CFAP54: variants seen among roughly 807,000 people sequenced by gnomAD.
The protein encoded by CFAP54 is cilia- and flagella-associated protein 54.
Under a neutral mutation model 370.4 loss-of-function variants are expected in CFAP54, and 290 were observed. That is an observed-to-expected ratio of 0.78 (90% CI 0.71 to 0.86). The LOEUF is 0.86. Ranked by LOEUF, CFAP54 falls within the 40% of genes least tolerant of loss-of-function variation. CFAP54 has a pLI of 0.00. For missense variants in CFAP54, 3,399 were observed against 3,528.7 expected, an observed-to-expected ratio of 0.96 and a Z score of 0.93; for synonymous variants, 1,206 against 1,236.5, an observed-to-expected ratio of 0.98 and a Z score of 0.52.
chr12:96,562,580 C>T (rs1016903967), intron 17 of CFAP54, among the ~76,000 whole-genome samples: 7 of 151,872 alleles, frequency 4.6e-5, no homozygotes, highest in Non-Finnish European at 7.4e-5. Flanking sequence ...GCATGTGCCA[C>T]CACACCTGGC....
intron 62 of CFAP54, among the ~76,000 whole-genome samples, chr12:96,789,685 G>A (rs955927735): frequency 4.6e-5 from 7 of 152,174 alleles, no homozygotes; most frequent in African/African-American, 1.7e-4. Flanking sequence ...GCTTGAATAC[G>A]TTGTAAATAC....
chr12:96,728,693 C>T (rs889517282), intron 50 of CFAP54, among the ~76,000 whole-genome samples: 7 of 152,322 alleles, frequency 4.6e-5, no homozygotes, highest in African/African-American at 1.7e-4. Context: ...AGTCATTCTC[C>T]GTCCAGCTTT....
intron 66 of CFAP54, among the ~76,000 whole-genome samples, chr12:96,838,599 A>G (rs1959193932): frequency 6.6e-6 from 1 of 152,124 alleles, no homozygotes; most frequent in Non-Finnish European, 1.5e-5. Context: ...GTGACATCTC[A>G]TGAGAACTCA....
chr12:96,757,206 A>C (rs908348074), intron 57 of CFAP54, among the ~76,000 whole-genome samples: 9 of 152,216 alleles, frequency 5.9e-5, no homozygotes, highest in Admixed American at 2.0e-4. Context: ...TGTGTGCTAG[A>C]ATATTCCAGA....
chr12:96,671,391 T>G (rs911754241), intron 39 of CFAP54, among the ~76,000 whole-genome samples: 8 of 147,500 alleles, frequency 5.4e-5, no homozygotes, highest in South Asian at 2.1e-4. Flanking sequence ...AATTTAGGGG[T>G]TTTTTTTGTG....
At chr12:96,615,449 T>C (rs554994378) in intron 26 of CFAP54, among the ~76,000 whole-genome samples, 4 of 152,288 alleles carry the variant, frequency 2.6e-5, no homozygotes, top group African/African-American at 9.6e-5. Flanking sequence ...GACATAGGCA[T>C]GGGCAAGGAC....
chr12:96,578,463 G>A (rs939232264), intron 20 of CFAP54, among the ~76,000 whole-genome samples: 18 of 152,316 alleles, frequency 1.2e-4, no homozygotes, highest in African/African-American at 3.6e-4. Flanking sequence ...CTAAGACCAC[G>A]TGCTTTACTA....
chr12:96,800,804 TAA>T (rs1410642903), intron 63 of CFAP54, among the ~76,000 whole-genome samples: 2 of 152,176 alleles, frequency 1.3e-5, no homozygotes, highest in Non-Finnish European at 2.9e-5. Flanking sequence ...AGCAACTCTA[TAA>T]GATAAACGCT....
chr12:96,872,526 T>G (rs1254560379), intron 67 of CFAP54, among the ~76,000 whole-genome samples: 2 of 152,178 alleles, frequency 1.3e-5, no homozygotes, highest in African/African-American at 4.8e-5. Context: ...TAAGGTATAT[T>G]TCAAAAATGG....
chr12:96,499,184 G>A (rs944704520), intron 1 of CFAP54, among the ~76,000 whole-genome samples: 8 of 151,952 alleles, frequency 5.3e-5, no homozygotes, highest in Admixed American at 2.0e-4. Context: ...CACCATGTTG[G>A]ACAGGCTGGT....
rs114453757 is a variant in CFAP54 at position 96,527,273 on chromosome 12, C to A, written c.1186C>A (p.Arg396=). 1.3e-3 allele frequency: 2,005 copies of A among 1,526,874 alleles called. 27 individuals are homozygous for A. In the African/African-American group the frequency reaches 0.025, roughly 19 times the overall value. 94.6% of individuals were successfully genotyped at this position (1,526,874 alleles called of 1,614,324 possible). The change falls in exon 9 of 68, where the codon CGG becomes AGG. Residue 396 remains arginine (R), a synonymous_variant. Coordinates refer to ENST00000524981, the MANE Select transcript of CFAP54 (RefSeq NM_001306084.2). ...TLSWPRTVTE[R]LLDEMFDSTA... is the part of the protein sequence containing the mutation. ...ATCATGGCCACGAACTGTCACAGAG[C>A]GGCTACTGGATGAGATGTTTGATAG...
intron 1 of CFAP54, among the ~76,000 whole-genome samples, chr12:96,495,271 TCC>T (rs1954938051): frequency 6.8e-6 from 1 of 147,242 alleles, no homozygotes; most frequent in Non-Finnish European, 1.5e-5. Flanking sequence ...CTTCCTTCCT[TCC>T]TTCCTTCCTT....
At chr12:96,837,589 T>C (rs1959190319) in intron 66 of CFAP54, among the ~76,000 whole-genome samples, 1 of 152,258 alleles carries the variant, frequency 6.6e-6, no homozygotes, top group South Asian at 2.1e-4. Flanking sequence ...TTATTCTCAG[T>C]ACTTTGCCCA....
chr12:96,500,307 G>A (rs1163041547), intron 1 of CFAP54, among the ~76,000 whole-genome samples: 1 of 152,164 alleles, frequency 6.6e-6, no homozygotes, highest in African/African-American at 2.4e-5. Flanking sequence ...GGGAAAGGAG[G>A]GATGAATAAG....
intron 17 of CFAP54, among the ~76,000 whole-genome samples, chr12:96,558,629 A>G (rs1050194962): frequency 2.0e-5 from 3 of 152,174 alleles, no homozygotes; most frequent in Non-Finnish European, 2.9e-5. Flanking sequence ...ACACTGGAGA[A>G]AAGACAGTCT....
intron 19 of CFAP54, among the ~76,000 whole-genome samples, chr12:96,574,175 G>A (rs1027373649): frequency 6.6e-6 from 1 of 152,032 alleles, no homozygotes; most frequent in African/African-American, 2.4e-5. Flanking sequence ...TGACTCCAAC[G>A]CGTACTCAGA....
At chr12:96,615,325 C>T (rs1227155295) in intron 26 of CFAP54, among the ~76,000 whole-genome samples, 1 of 152,220 alleles carries the variant, frequency 6.6e-6, no homozygotes, top group Admixed American at 6.5e-5. Context: ...AAAGCTGAAA[C>T]TGGATCCCTT....
At chr12:96,643,203 CAAAA>C (rs1056846992) in intron 32 of CFAP54, among the ~76,000 whole-genome samples, 1 of 151,968 alleles carries the variant, frequency 6.6e-6, no homozygotes. Flanking sequence ...TAAACAATGA[CAAAA>C]AAACCCTAAA....
At chr12:96,834,539 C>T (rs1193096472) in intron 66 of CFAP54, among the ~76,000 whole-genome samples, 1 of 152,206 alleles carries the variant, frequency 6.6e-6, no homozygotes, top group African/African-American at 2.4e-5. Context: ...CTGGCATGGG[C>T]GCCAGCTCTC....
Sources: allele counts gnomAD v4.1 joint callset (sites outside exome capture counted in the v4.1 genomes callset), GRCh38; gene constraint gnomAD v4.1.1; transcripts MANE v1.5; gene names NCBI Gene and HGNC (gene_info 2026-07-23, HGNC 2026-07-21).